Variants in ZMAT4 observed in about 807,000 individuals in gnomAD.
ZMAT4 encodes zinc finger matrin-type 4, also known as zinc finger matrin-type protein 4.
In ZMAT4, 17 loss-of-function variants were observed where a neutral mutation model predicts 28.7. The observed-to-expected ratio is 0.59, with a 90% confidence interval of 0.41 to 0.89. The LOEUF (loss-of-function observed/expected upper bound fraction) is 0.89, where lower values mean the gene tolerates loss of function less well. ZMAT4 is among the 40% of genes least tolerant of loss of function. The probability of loss-of-function intolerance (pLI) is 0.00; values close to 1 mark genes in which losing one functional copy is unlikely to be tolerated. For synonymous variants in ZMAT4, 117 were observed against 109.2 expected (o/e 1.07, Z -0.44); for missense variants, 240 against 283.8 (o/e 0.85, Z 1.11).
rs548172864 is a variant in ZMAT4, at chr8:40,804,476, A to G, written c.102+21099T>C. On this transcript the variant is annotated intron_variant, in intron 2 of 6. Coordinates refer to ENST00000297737, the MANE Select transcript of ZMAT4 (RefSeq NM_024645.3). Reference sequence around the variant, plus strand: ...ATAAATCAGTCAATCTATCTATCTAATGATCATCTTCATAATCTTAATTGT... The same window carrying G: ...ATAAATCAGTCAATCTATCTATCTAGTGATCATCTTCATAATCTTAATTGT... Among the ~76,000 whole-genome samples, 6 of 152,306 alleles carry G rather than the reference A, an allele frequency of 3.9e-5. No individual in the cohort carries two copies. The East Asian group carries it at 1.2e-3, about 29-fold the overall frequency.
chr8:40,768,784 C>G (rs182573273), intron 2 of ZMAT4, among the ~76,000 whole-genome samples: 2 of 152,180 alleles, frequency 1.3e-5, no homozygotes, highest in Non-Finnish European at 2.9e-5. Flanking sequence ...CATCACCTCT[C>G]GAATCTATTG....
At chr8:40,604,157 G>A (rs10958625) in intron 5 of ZMAT4, among the ~76,000 whole-genome samples, 46,255 of 151,894 alleles carry the variant, frequency 0.3, 9,131 homozygotes, top group East Asian at 0.73. Context: ...CAATCCTATC[G>A]TCAGTGAACA....
At chr8:40,646,213 T>C (rs1807306264) in intron 5 of ZMAT4, among the ~76,000 whole-genome samples, 1 of 152,040 alleles carries the variant, frequency 6.6e-6, no homozygotes, top group African/African-American at 2.4e-5. Flanking sequence ...ATTTCCATTT[T>C]CACTACTTGT....
chr8:40,786,916 C>G, intron 2 of ZMAT4: 1 of 343,688 alleles, frequency 2.9e-6, no homozygotes, highest in South Asian at 2.4e-5. Context: ...TAAAACAGAA[C>G]AGACAGAGTC....
chr8:40,861,198 C>G (rs1014240160), intron 1 of ZMAT4, among the ~76,000 whole-genome samples: 7 of 152,204 alleles, frequency 4.6e-5, no homozygotes, highest in African/African-American at 1.7e-4. Flanking sequence ...GTACCTGGCA[C>G]ATGCTAAGTG....
intron 2 of ZMAT4, among the ~76,000 whole-genome samples, chr8:40,795,461 G>C (rs1814556929): frequency 6.6e-6 from 1 of 152,210 alleles, no homozygotes; most frequent in Admixed American, 6.5e-5. Context: ...ACATAGTTAA[G>C]TCCAGAATTT....
At chr8:40,889,521 C>T (rs1427973562) in intron 1 of ZMAT4, among the ~76,000 whole-genome samples, 1 of 152,152 alleles carries the variant, frequency 6.6e-6, no homozygotes, top group Non-Finnish European at 1.5e-5. Flanking sequence ...AATCAAAAGT[C>T]ATATGTTTCC....
chr8:40,666,799 T>A (rs1313686799), intron 5 of ZMAT4, among the ~76,000 whole-genome samples: 1 of 152,072 alleles, frequency 6.6e-6, no homozygotes, highest in African/African-American at 2.4e-5. Flanking sequence ...ATACACACAT[T>A]TTTTTCAATC....
chr8:40,621,020 T>A (rs1806179863), intron 5 of ZMAT4, among the ~76,000 whole-genome samples: 1 of 152,214 alleles, frequency 6.6e-6, no homozygotes, highest in Admixed American at 6.5e-5. Flanking sequence ...TTCCACAAAA[T>A]TGAGGCTTGA....
intron 1 of ZMAT4, among the ~76,000 whole-genome samples, chr8:40,852,074 C>T (rs542963275): frequency 1.3e-5 from 2 of 151,750 alleles, no homozygotes; most frequent in Non-Finnish European, 1.5e-5. Context: ...TTGGTAGAGA[C>T]GGGGTTTCAT....
chr8:40,754,981 G>T (rs545284796), intron 3 of ZMAT4, among the ~76,000 whole-genome samples: 1 of 152,194 alleles, frequency 6.6e-6, no homozygotes, highest in East Asian at 1.9e-4. Flanking sequence ...ATTCCATCCA[G>T]CCTGAGCAAC....
At chr8:40,583,016 G>A (rs967754461) in intron 5 of ZMAT4, among the ~76,000 whole-genome samples, 5 of 152,146 alleles carry the variant, frequency 3.3e-5, no homozygotes, top group Admixed American at 6.5e-5. Context: ...CCACCAGTAC[G>A]AAGAAGAGAC....
chr8:40,799,027 A>G (rs1814711930), intron 2 of ZMAT4, among the ~76,000 whole-genome samples: 1 of 152,152 alleles, frequency 6.6e-6, no homozygotes, highest in African/African-American at 2.4e-5. Flanking sequence ...ATCTTGATAA[A>G]TAGATAGAAG....
intron 5 of ZMAT4, among the ~76,000 whole-genome samples, chr8:40,656,285 G>A (rs1807920480): frequency 6.6e-6 from 1 of 152,038 alleles, no homozygotes; most frequent in Non-Finnish European, 1.5e-5. Flanking sequence ...GAATAAAGAA[G>A]GTAGATAATA....
intron 3 of ZMAT4, among the ~76,000 whole-genome samples, chr8:40,714,288 T>C (rs1354947323): frequency 6.6e-6 from 1 of 152,216 alleles, no homozygotes; most frequent in Non-Finnish European, 1.5e-5. Context: ...CAAGGTTGAT[T>C]GCTAAGGTGC....
In ZMAT4 at chr8:40,635,308, G is replaced by A. The variant is rs186460002; in HGVS notation, c.577+39396C>T. Among the ~76,000 whole-genome samples, 35 of 152,238 alleles carry A rather than the reference G, an allele frequency of 2.3e-4. 1 individual carries two copies. The East Asian group carries it at 6.8e-3, about 29-fold the overall frequency. On this transcript the variant is annotated intron_variant, in intron 5 of 6. Transcript: ENST00000297737. ...TAATACGAGTGGGTAGGATAACTAGGGGAAATTATGTCCTTGTTACCTTTT... is the reference window on the plus strand; with the variant it reads ...TAATACGAGTGGGTAGGATAACTAGAGGAAATTATGTCCTTGTTACCTTTT...
chr8:40,542,746 AAAC>A (rs1420934526), intron 6 of ZMAT4, among the ~76,000 whole-genome samples: 3 of 152,228 alleles, frequency 2.0e-5, no homozygotes, highest in Non-Finnish European at 4.4e-5. Flanking sequence ...GACAATGCTG[AAAC>A]AACATTATGT....
chr8:40,875,230 T>G (rs2150658066), intron 1 of ZMAT4, among the ~76,000 whole-genome samples: 1 of 152,294 alleles, frequency 6.6e-6, no homozygotes, highest in African/African-American at 2.4e-5. Flanking sequence ...CCTGCCCACG[T>G]GTCCCCTCCC....
chr8:40,583,647 C>T (rs966300814), intron 5 of ZMAT4, among the ~76,000 whole-genome samples: 11 of 152,182 alleles, frequency 7.2e-5, no homozygotes, highest in African/African-American at 2.7e-4. Context: ...CTGACACAGC[C>T]TCAGGAGGTC....
Sources: allele counts gnomAD v4.1 joint callset (sites outside exome capture counted in the v4.1 genomes callset), GRCh38; gene constraint gnomAD v4.1.1; transcripts MANE v1.5; gene names NCBI Gene and HGNC (gene_info 2026-07-23, HGNC 2026-07-21).